Variants in KIF6 observed in about 807,000 individuals in gnomAD.
The protein encoded by KIF6 is kinesin-like protein KIF6.
Under a neutral mutation model 112.7 loss-of-function variants are expected in KIF6, and 106 were observed. The observed-to-expected ratio is 0.94, with a 90% confidence interval of 0.80 to 1.11. KIF6 has a LOEUF of 1.11. Ranked by LOEUF, KIF6 falls within the 50% of genes least tolerant of loss-of-function variation. The pLI is 0.00. For synonymous variants in KIF6, 339 were observed against 339.9 expected (o/e 1.00, Z 0.03); for missense variants, 929 against 964.0 (o/e 0.96, Z 0.48).
chr6:39,553,432 A>G (rs750407997), intron 10 of KIF6, among the ~76,000 whole-genome samples: 1 of 152,246 alleles, frequency 6.6e-6, no homozygotes, highest in Non-Finnish European at 1.5e-5. Flanking sequence ...AGCAAATGCG[A>G]AAAATCAAAA....
chr6:39,714,805 C>A, intron 2 of KIF6, 39 bp from the exon 3 acceptor site: 1 of 1,231,028 alleles, frequency 8.1e-7, no homozygotes, highest in Non-Finnish European at 1.2e-6. Flanking sequence ...AAAGCTGCAC[C>A]TCCAAACACT....
At chr6:39,449,408 G>A (rs1772542323) in intron 13 of KIF6, among the ~76,000 whole-genome samples, 1 of 152,184 alleles carries the variant, frequency 6.6e-6, no homozygotes, top group Admixed American at 6.5e-5. Context: ...CCTTTCAGCT[G>A]CTCAACTATG....
At position 39,545,631 on chromosome 6, in the gene KIF6, C is replaced by T. The variant is rs1159988632; in HGVS notation, c.1239G>A (p.Glu413=). 1 of 1,613,774 alleles carries T rather than the reference C, an allele frequency of 6.2e-7. No homozygotes were observed. Among genetic ancestry groups the T allele is most frequent in the Admixed American group, 1.7e-5 (1 of 59,998 alleles). Residue 413 remains glutamate (E), a synonymous_variant, in exon 11 of 23, where the codon GAG becomes GAA. Transcript: ENST00000287152. ...GAACTTTACGCATATCCGCGCCAAC[C>T]TCTAATCTACTGTCTGAATCCTGGT... ...LEDQDSDSRL[E]VGADMRKVHH...
At chr6:39,365,041 C>A (rs1393546157) in intron 16 of KIF6, among the ~76,000 whole-genome samples, 1 of 152,202 alleles carries the variant, frequency 6.6e-6, no homozygotes, top group Non-Finnish European at 1.5e-5. Flanking sequence ...GGCAACACTT[C>A]ACATTTATTG....
chr6:39,665,873 T>C (rs1786437573), intron 3 of KIF6, among the ~76,000 whole-genome samples: 1 of 152,202 alleles, frequency 6.6e-6, no homozygotes, highest in South Asian at 2.1e-4. Context: ...TGCTTCTTTG[T>C]TGTTTTGGGT....
At chr6:39,490,868 C>T (rs1775443131) in intron 13 of KIF6, among the ~76,000 whole-genome samples, 1 of 152,010 alleles carries the variant, frequency 6.6e-6, no homozygotes, top group Admixed American at 6.6e-5. Context: ...TAATAACGAA[C>T]TGAGTAATAA....
chr6:39,592,059 C>T (rs1175318091), intron 7 of KIF6, among the ~76,000 whole-genome samples: 1 of 152,194 alleles, frequency 6.6e-6, no homozygotes, highest in African/African-American at 2.4e-5. Context: ...TTGCAGTGAG[C>T]TGAGATCATG....
In KIF6 at chr6:39,639,661, G is replaced by A. The variant is rs756537349; in HGVS notation, c.348C>T (p.Asp116=). ...TITGGAERYS[D]RGIIPRTLSY... ...ACAGTGTCCTTGGGATAATGCCTCT[G>A]TCACTGTAACGCTCTGCACCCCCTG... The change falls in exon 4 of 23, where the codon GAC becomes GAT. Residue 116 remains aspartate (D), a synonymous_variant. Transcript: ENST00000287152. 1.1e-5 allele frequency: 18 copies of A among 1,609,310 alleles called. No individual in the cohort carries two copies. In the East Asian group the frequency reaches 3.8e-4, roughly 34 times the overall value.
intron 13 of KIF6, among the ~76,000 whole-genome samples, chr6:39,532,213 T>C (rs1000122654): frequency 6.6e-6 from 1 of 152,136 alleles, no homozygotes; most frequent in African/African-American, 2.4e-5. Flanking sequence ...TATTTGTCCA[T>C]GTATATTTTA....
chr6:39,357,257 C>T lies in KIF6; in HGVS notation c.2180+20G>A, dbSNP rs774117259. On this transcript the variant is annotated intron_variant, in intron 19 of 22. Transcript: ENST00000287152. ...GCCTTTTCTGGGAACTCTAACACCTCCGGTGAGTTCTCACCTTACCTTTTG... is the reference window on the plus strand; with the variant it reads ...GCCTTTTCTGGGAACTCTAACACCTTCGGTGAGTTCTCACCTTACCTTTTG... 1 of 1,541,780 alleles carries T rather than the reference C, an allele frequency of 6.5e-7. No homozygotes were observed. The highest frequency in any genetic ancestry group is 8.9e-7 in the Non-Finnish European group (1 of 1,118,398).
At chr6:39,686,003 T>G (rs150042884) in intron 3 of KIF6, among the ~76,000 whole-genome samples, 1 of 152,232 alleles carries the variant, frequency 6.6e-6, no homozygotes, top group Non-Finnish European at 1.5e-5. Flanking sequence ...TTTTAATGAC[T>G]TTTTTTGAAA....
chr6:39,510,871 G>T (rs1382682976), intron 13 of KIF6, among the ~76,000 whole-genome samples: 1 of 11,140 alleles, frequency 9.0e-5, no homozygotes, highest in African/African-American at 4.3e-4. Context: ...CAAATGGGAA[G>T]CAAAAAAAAA....
intron 13 of KIF6, among the ~76,000 whole-genome samples, chr6:39,518,403 G>A (rs1250899298): frequency 1.3e-5 from 2 of 152,168 alleles, no homozygotes; most frequent in Non-Finnish European, 2.9e-5. Context: ...GATGAGAACT[G>A]CAGGCTAATG....
chr6:39,382,496 ATTTTGTTT>A (rs1048187003), intron 16 of KIF6, among the ~76,000 whole-genome samples: 1 of 151,458 alleles, frequency 6.6e-6, no homozygotes, highest in African/African-American at 2.4e-5. Context: ...AAAGGATGTG[ATTTTGTTT>A]TTTTTTATGG....
intron 13 of KIF6, among the ~76,000 whole-genome samples, chr6:39,469,735 G>C (rs771655964): frequency 3.9e-5 from 6 of 152,002 alleles, no homozygotes; most frequent in Non-Finnish European, 8.8e-5. Flanking sequence ...GATGATAAAA[G>C]CATCAATCAA....
intron 15 of KIF6, among the ~76,000 whole-genome samples, chr6:39,419,674 C>G (rs1188421737): frequency 6.6e-6 from 1 of 152,102 alleles, no homozygotes; most frequent in East Asian, 1.9e-4. Context: ...TGAAAAACAC[C>G]AGGGAAAAGC....
intron 3 of KIF6, among the ~76,000 whole-genome samples, chr6:39,679,732 C>T (rs553190425): frequency 2.7e-5 from 4 of 150,392 alleles, no homozygotes; most frequent in African/African-American, 9.8e-5. Flanking sequence ...TCTCTTGCCT[C>T]AGCCTCCCGA....
At position 39,676,186 on chromosome 6, in the gene KIF6, A is replaced by G. The variant is rs570150408; in HGVS notation, c.252-36429T>C. On this transcript the variant is annotated intron_variant, in intron 3 of 22. Transcript: ENST00000287152. ...TAAAAATAAATCCACATTGAGATGC[A>G]TCATTGAGAAACCATAAAACACCTG... Among the ~76,000 whole-genome samples, 6 of 152,210 alleles carry G rather than the reference A, an allele frequency of 3.9e-5. No individual in the cohort carries two copies. In the South Asian group the frequency reaches 1.2e-3, roughly 32 times the overall value.
At chr6:39,573,339 G>C (rs1446493853) in intron 10 of KIF6, among the ~76,000 whole-genome samples, 2 of 152,032 alleles carry the variant, frequency 1.3e-5, no homozygotes, top group African/African-American at 4.8e-5. Context: ...GCACTTTAGG[G>C]GTAAATTTTA....
Sources: gnomAD v4.1 joint callset for allele counts (sites outside exome capture counted in the v4.1 genomes callset) on GRCh38, gnomAD v4.1.1 for gene constraint, MANE v1.5 for transcripts, NCBI Gene and HGNC (gene_info 2026-07-23, HGNC 2026-07-21) for gene names.